The following ARL5C variants were observed in gnomAD, a reference collection of about 807,000 sequenced individuals.
ARL5C encodes ARF like GTPase 5C, also known as putative ADP-ribosylation factor-like protein 5C.
ARL5C carries 21 observed loss-of-function variants against 20.8 expected under a neutral mutation model. The observed-to-expected ratio is 1.01, with a 90% CI of 0.72 to 1.46. ARL5C has a LOEUF of 1.46. ARL5C is among the 40% of genes most tolerant of loss of function. The pLI is 0.00. For missense variants in ARL5C, 199 were observed against 225.1 expected, an observed-to-expected ratio of 0.88 and a Z score of 0.74; for synonymous variants, 71 against 81.6, an observed-to-expected ratio of 0.87 and a Z score of 0.70.
At chr17:39,163,398 C>T (rs563960025) in intron 2 of ARL5C, among the ~76,000 whole-genome samples, 111 of 148,800 alleles carry the variant, frequency 7.5e-4, no homozygotes, top group Non-Finnish European at 1.5e-3. Flanking sequence ...TTCTTTCTCT[C>T]TTTCTTTCCT....
chr17:39,165,146 G>A lies in ARL5C; in HGVS notation c.47-7C>T. On this transcript the variant is annotated splice_region_variant and splice_polypyrimidine_tract_variant and intron_variant, in intron 1 of 5. Transcript: ENST00000269586. ...ACGATGATGACCGTGTGCTCTGGAA[G>A]CGTCGGAGGAAGGGCAGCGTCAGGG... 2 of 1,551,518 alleles carry A rather than the reference G, an allele frequency of 1.3e-6. No individual in the cohort carries two copies. Among genetic ancestry groups the A allele is most frequent in the Non-Finnish European group, 1.7e-6 (2 of 1,146,928 alleles).
chr17:39,158,905 T>A (rs1044987189), intron 5 of ARL5C, among the ~76,000 whole-genome samples: 1 of 151,572 alleles, frequency 6.6e-6, no homozygotes, highest in Non-Finnish European at 1.5e-5. Flanking sequence ...CTCCAACTCC[T>A]GGCCCCAAGC....
At chr17:39,164,843 G>A (rs1597669572) in intron 2 of ARL5C, 1 of 459,750 alleles carries the variant, frequency 2.2e-6, no homozygotes, top group East Asian at 3.8e-5. Context: ...GGTTTGGCAG[G>A]GCCCCCGGGA....
At position 39,165,965 on chromosome 17, in the gene ARL5C, G is replaced by C. The variant is rs1471700099; in HGVS notation, c.-205C>G. ...GCACTATGGACACCCCAGTGACTAA[G>C]GGCTGCCTGTCCCGGGCCCAAGAGG... On this transcript the variant is annotated 5_prime_UTR_variant, in exon 1 of 6. Coordinates refer to ENST00000269586, the MANE Select transcript of ARL5C (RefSeq NM_001143968.1). 2 of 601,208 alleles carry C rather than the reference G, an allele frequency of 3.3e-6. No individual in the cohort carries two copies. The highest frequency in any genetic ancestry group is 5.9e-6 in the Non-Finnish European group (2 of 340,120). The allele number at this position is 601,208 out of a possible 1,614,324, so 37.2% of individuals were successfully genotyped here.
Position 39,160,758 on chromosome 17 carries a change from C to T in ARL5C, c.340-16G>A. The T allele has an allele frequency of 1.3e-6, 2 of 1,549,908 alleles. No homozygotes were observed. Among genetic ancestry groups the T allele is most frequent in the Non-Finnish European group, 8.7e-7 (1 of 1,146,538 alleles). On this transcript the variant is annotated splice_polypyrimidine_tract_variant and intron_variant, in intron 4 of 5. Coordinates refer to ENST00000269586, the MANE Select transcript of ARL5C (RefSeq NM_001143968.1). ...CCTGTAGAGCCTGTGGACAGAGGAG[C>T]CCAGCCCCAGTCAGCCTGCTAGTGC...
At chr17:39,156,841 C>T (rs1211123304), downstream of ARL5C, 1 of 1,544,476 alleles carries the variant, frequency 6.5e-7, no homozygotes, top group Non-Finnish European at 8.8e-7. Context: ...GATTTTCCAC[C>T]CATGTTGACC....
intron 2 of ARL5C, among the ~76,000 whole-genome samples, chr17:39,163,526 G>T (rs1362109939): frequency 6.6e-6 from 1 of 151,588 alleles, no homozygotes; most frequent in Non-Finnish European, 1.5e-5. Context: ...CTGAGTAGCT[G>T]GGATTACAGG....
chr17:39,158,526 T>C (rs1369269312), intron 5 of ARL5C, among the ~76,000 whole-genome samples: 2 of 151,376 alleles, frequency 1.3e-5, no homozygotes, highest in Non-Finnish European at 2.9e-5. Flanking sequence ...GGTGGGAGGA[T>C]CGCTTGAGCC....
At chr17:39,160,855 A>T (rs1308204003) in intron 4 of ARL5C, 113 bp from the exon 5 acceptor site, 3 of 1,292,636 alleles carry the variant, frequency 2.3e-6, no homozygotes, top group Middle Eastern at 5.4e-4. Context: ...AGAGAGGCCC[A>T]TGCCTGGATG....
chr17:39,162,719 T>C lies in ARL5C; in HGVS notation c.247A>G (p.Asn83Asp), dbSNP rs1276705264. 2 of 1,551,680 alleles carry C rather than the reference T, an allele frequency of 1.3e-6. No individual in the cohort carries two copies. Among genetic ancestry groups the C allele is most frequent in the Non-Finnish European group, 1.7e-6 (2 of 1,146,950 alleles). The stretch of plus-strand genomic sequence containing the variant: ...CCTGGTGCCCTCCTCACCTCAGTGT[T>C]GGAGTAGTATGTGTTCCAGATAAAG... ...LSFIWNTYYS[N>D]TEFIILVIDS... Residue 83 changes from asparagine (N) to aspartate (D), a missense_variant, in exon 3 of 6, where the codon AAC becomes GAC. By Grantham distance (23) the Asn-to-Asp change is conservative. Transcript: ENST00000269586.
At chr17:39,163,345 CCTTTCTTTCTTTCTTTCTTTCTTTCTTT>C (rs57401429) in intron 2 of ARL5C, among the ~76,000 whole-genome samples, 11 of 136,740 alleles carry the variant, frequency 8.0e-5, no homozygotes, top group African/African-American at 1.8e-4. Flanking sequence ...CAGGCTTTTG[CCTTTCTTTCTTTCTTTCTTTCTTTCTTT>C]CTTTCTTTCT....
In ARL5C at chr17:39,163,345, C is replaced by CCTTCCTTTCTTTCTTT. The variant is rs1555576104; in HGVS notation, c.108-488_108-487insAAAGAAAGAAAGGAAG. On this transcript the variant is annotated intron_variant, in intron 2 of 5. Transcript: ENST00000269586. ...GTCTGGGCAGGGGTCCAGGCTTTTG[C>CCTTCCTTTCTTTCTTT]CTTTCTTTCTTTCTTTCTTTCTTTC... 1.4e-3 allele frequency among the ~76,000 whole-genome samples: 192 copies of CCTTCCTTTCTTTCTTT among 136,864 alleles called. 1 individual carries two copies. Among genetic ancestry groups the CCTTCCTTTCTTTCTTT allele is most frequent in the Middle Eastern group, 3.6e-3 (1 of 278 alleles). The allele number at this position is 136,864 out of a possible 152,430, so 89.8% of individuals were successfully genotyped here. A position where few individuals can be genotyped will look rare whatever the true frequency, so the allele number is the denominator to read the frequency against.
At chr17:39,158,114 A>G (rs1597667179) in intron 5 of ARL5C, among the ~76,000 whole-genome samples, 1 of 89,832 alleles carries the variant, frequency 1.1e-5, no homozygotes, top group Non-Finnish European at 2.1e-5. Flanking sequence ...GGAAGGAGGG[A>G]GGGAGGGAGG....
chr17:39,165,788 G>T lies in ARL5C; in HGVS notation c.-28C>A. On this transcript the variant is annotated 5_prime_UTR_variant, in exon 1 of 6. Coordinates refer to ENST00000269586, the MANE Select transcript of ARL5C (RefSeq NM_001143968.1). ...CACTTCCCGGGCCGGACAGGTGCAGGAGGGCTCAGCGGCCTCAGGAGCGGA... is the reference window on the plus strand; with the variant it reads ...CACTTCCCGGGCCGGACAGGTGCAGTAGGGCTCAGCGGCCTCAGGAGCGGA... 6.4e-7 allele frequency: 1 copy of T among 1,551,658 alleles called. No homozygotes were observed. Among genetic ancestry groups the T allele is most frequent in the South Asian group, 1.2e-5 (1 of 84,064 alleles).
At chr17:39,162,978 C>G (rs1173652627) in intron 2 of ARL5C, 120 bp from the exon 3 acceptor site, 4 of 1,229,146 alleles carry the variant, frequency 3.3e-6, no homozygotes. Flanking sequence ...CCAGGTTCAC[C>G]AAACACCTGC....
At chr17:39,162,661 G>A in intron 3 of ARL5C, 50 bp downstream of exon 3, 1 of 1,535,264 alleles carries the variant, frequency 6.5e-7, no homozygotes, top group Non-Finnish European at 8.8e-7. Context: ...ATGACAGTCT[G>A]ATATCACACG....
At chr17:39,165,644 C>T in intron 1 of ARL5C, 71 bp downstream of exon 1, 2 of 1,543,896 alleles carry the variant, frequency 1.3e-6, no homozygotes, top group South Asian at 1.2e-5. Flanking sequence ...GTGCGTCCGA[C>T]CACAGATCAG....
intron 5 of ARL5C, among the ~76,000 whole-genome samples, chr17:39,158,095 C>T (rs553029089): frequency 2.0e-4 from 25 of 123,364 alleles, no homozygotes; most frequent in Non-Finnish European, 3.5e-4. Context: ...AAGTGGCCGT[C>T]GAAGAAAGGG....
intron 2 of ARL5C, among the ~76,000 whole-genome samples, chr17:39,164,665 G>C (rs2045453838): frequency 6.6e-6 from 1 of 152,184 alleles, no homozygotes; most frequent in Non-Finnish European, 1.5e-5. Context: ...ACCCATATGT[G>C]CCAGGCTTGC....
Sources: allele counts gnomAD v4.1 joint callset (sites outside exome capture counted in the v4.1 genomes callset), GRCh38; gene constraint gnomAD v4.1.1; transcripts MANE v1.5; gene names NCBI Gene and HGNC (gene_info 2026-07-23, HGNC 2026-07-21).